MLIP: variants seen among roughly 807,000 people sequenced by gnomAD.
MLIP encodes the protein muscular LMNA interacting protein.
A neutral mutation model predicts 84.8 loss-of-function variants in MLIP; 79 were observed. The observed-to-expected ratio is 0.93, with a 90% CI of 0.78 to 1.12. The LOEUF is 1.12. Ranked by LOEUF, MLIP falls within the 50% of genes most tolerant of loss-of-function variation. The pLI, the probability that MLIP is intolerant of heterozygous loss-of-function variation, is 0.00. For synonymous variants in MLIP, 504 were observed against 463.0 expected (o/e 1.09, Z -1.14); for missense variants, 1,257 against 1,160.6 (o/e 1.08, Z -1.21).
intron 3 of MLIP, among the ~76,000 whole-genome samples, 179 bp downstream of exon 3, chr6:54,125,044 A>T (rs1377325056): frequency 2.0e-5 from 3 of 152,246 alleles, no homozygotes; most frequent in Non-Finnish European, 4.4e-5. Flanking sequence ...GATAATAAAT[A>T]TATAAGATAA....
Position 54,232,167 on chromosome 6 carries a change from C to T in MLIP, c.2922+1250C>T, listed in dbSNP as rs560444752. Among the ~76,000 whole-genome samples the T allele has an allele frequency of 1.1e-4, 16 of 151,914 alleles. No homozygotes were observed. The East Asian group carries it at 2.3e-3, about 22-fold the overall frequency. The stretch of plus-strand genomic sequence containing the variant: ...GAAATTCTTTCTGATTTAATATTTG[C>T]CAACAGCCATGAAATACATTTAGTT... On this transcript the variant is annotated intron_variant, in intron 12 of 13. Transcript: ENST00000502396.
chr6:54,258,339 C>T (rs1582652531), intron 13 of MLIP, among the ~76,000 whole-genome samples: 1 of 152,080 alleles, frequency 6.6e-6, no homozygotes, highest in Non-Finnish European at 1.5e-5. Flanking sequence ...ACTGGCATCC[C>T]TATTTCTGCA....
chr6:54,130,290 G>T (rs1321794162), intron 3 of MLIP, among the ~76,000 whole-genome samples: 1 of 152,128 alleles, frequency 6.6e-6, no homozygotes, highest in Non-Finnish European at 1.5e-5. Flanking sequence ...GATGATGTAG[G>T]CTTTTAAGAA....
intron 1 of MLIP, among the ~76,000 whole-genome samples, chr6:54,074,095 AAC>A (rs1347367359): frequency 6.6e-6 from 1 of 152,198 alleles, no homozygotes; most frequent in Non-Finnish European, 1.5e-5. Flanking sequence ...AATGTTTTTC[AAC>A]AGTTTTAAAC....
chr6:54,150,479 G>A (rs1254284159), intron 5 of MLIP, among the ~76,000 whole-genome samples: 2 of 152,154 alleles, frequency 1.3e-5, no homozygotes, highest in Non-Finnish European at 2.9e-5. Flanking sequence ...CAGACTCTCT[G>A]CTTATTTTGG....
At chr6:54,077,308 ACC>A (rs767964556) in intron 1 of MLIP, among the ~76,000 whole-genome samples, 1 of 151,850 alleles carries the variant, frequency 6.6e-6, no homozygotes. Flanking sequence ...CAACTACCCA[ACC>A]CTGCTTTTGT....
rs555495398 is a variant in MLIP, at chr6:54,185,512, C to T, written c.2545-4358C>T. Among the ~76,000 whole-genome samples, 3 of 152,004 alleles carry T rather than the reference C, an allele frequency of 2.0e-5. No homozygotes were observed. In the East Asian group the frequency reaches 5.8e-4, roughly 29 times the overall value. On this transcript the variant is annotated intron_variant, in intron 9 of 13. Transcript: ENST00000502396. ...GATAAAAAGATATTTAGATTTTTTC[C>T]TAATTTAATTAATATGTTTGAGCCT...
chr6:54,137,412 C>T lies in MLIP; in HGVS notation c.1343C>T (p.Thr448Met), dbSNP rs945450687. ...TCTCTCAACTCCCCGGCCTCTTCCA[C>T]GCTCACACTTGACCAAAAAGAAAAG... is the stretch of plus-strand genomic sequence containing the variant. ...TFSLNSPASS[T>M]LTLDQKEKQT... Residue 448 changes from threonine to methionine, a missense_variant, in exon 4 of 14, where the codon ACG becomes ATG. By Grantham distance (81) the Thr-to-Met change is moderately conservative. Transcript: ENST00000502396. 7.6e-5 allele frequency: 117 copies of T among 1,536,128 alleles called. No homozygotes were observed. The highest frequency in any genetic ancestry group is 9.5e-5 in the Non-Finnish European group (109 of 1,146,880).
In MLIP at chr6:54,137,938, A is replaced by AT; in HGVS notation, c.1870dup (p.Ser624PhefsTer2). ...CAGCTCTTTCAAGCCTGATAAACAG[A>AT]TCTAAAAGAGCATCATCCCAACTAT... On this transcript the variant is annotated frameshift_variant, in exon 4 of 14. Coordinates refer to ENST00000502396, the MANE Select transcript of MLIP (RefSeq NM_001281747.2). LOFTEE classifies it high-confidence loss of function. 1 of 1,536,074 alleles carries AT rather than the reference A, an allele frequency of 6.5e-7. No homozygotes were observed.
Position 54,137,886 on chromosome 6 carries a change from C to T in MLIP, c.1817C>T (p.Ser606Phe), listed in dbSNP as rs1194704034. 6.5e-7 allele frequency: 1 copy of T among 1,536,128 alleles called. No homozygotes were observed. The highest frequency in any genetic ancestry group is 1.2e-5 in the South Asian group (1 of 84,062). Residue 606 changes from serine (S) to phenylalanine (F), a missense_variant, in exon 4 of 14, where the codon TCT becomes TTT. By Grantham distance (155) the Ser-to-Phe change is radical (BLOSUM62 -2). Coordinates refer to ENST00000502396, the MANE Select transcript of MLIP (RefSeq NM_001281747.2). The stretch of plus-strand genomic sequence containing the variant: ...ATTAATCAAAGAGCTACGTTCTCTT[C>T]TTCAGAGAAATGTTTCCATCCTTCC... ...PPINQRATFSSSEKCFHPSPA... is the reference protein window; with the variant it reads ...PPINQRATFSFSEKCFHPSPA...
chr6:54,136,843 G>A lies in MLIP; in HGVS notation c.774G>A (p.Glu258=). Residue 258 remains glutamate (E), a synonymous_variant, in exon 4 of 14, where the codon GAG becomes GAA. Coordinates refer to ENST00000502396, the MANE Select transcript of MLIP (RefSeq NM_001281747.2). ...VNLEGASVLE[E]FHTRRLDVGG... ...TCGAGGGAGCCTCTGTCCTAGAGGA[G>A]TTCCACACTAGGAGGCTGGATGTCG... 6.5e-7 allele frequency: 1 copy of A among 1,534,982 alleles called. No individual in the cohort carries two copies. The highest frequency in any genetic ancestry group is 8.7e-7 in the Non-Finnish European group (1 of 1,146,006).
At chr6:54,224,476 C>T (rs72964043) in intron 11 of MLIP, among the ~76,000 whole-genome samples, 13,631 of 151,846 alleles carry the variant, frequency 0.09, 854 homozygotes, top group Non-Finnish European at 0.14. Context: ...AATAGATTCC[C>T]AGGGAAATTC....
chr6:54,179,207 T>C (rs1372216950), intron 9 of MLIP, among the ~76,000 whole-genome samples: 2 of 152,244 alleles, frequency 1.3e-5, no homozygotes, highest in African/African-American at 4.8e-5. Flanking sequence ...CTGATCTAAG[T>C]ATAGCTACTT....
chr6:54,137,927 C>T lies in MLIP; in HGVS notation c.1858C>T (p.Leu620=). The part of the protein sequence containing the change: ...CFHPSPALSS[L]INRSKRASSQ... ...CCATCCTTCCCCAGCTCTTTCAAGC[C>T]TGATAAACAGATCTAAAAGAGCATC... Residue 620 remains leucine, a synonymous_variant, in exon 4 of 14, where the codon CTG becomes TTG. Coordinates refer to ENST00000502396, the MANE Select transcript of MLIP (RefSeq NM_001281747.2). 1 of 1,536,066 alleles carries T rather than the reference C, an allele frequency of 6.5e-7. No individual in the cohort carries two copies. The highest frequency in any genetic ancestry group is 8.7e-7 in the Non-Finnish European group (1 of 1,146,892).
intron 11 of MLIP, among the ~76,000 whole-genome samples, chr6:54,208,653 C>G (rs929075669): frequency 5.3e-5 from 8 of 152,192 alleles, no homozygotes; most frequent in Non-Finnish European, 1.0e-4. Context: ...ACAAGAGTCT[C>G]TATCTCAAAC....
intron 1 of MLIP, among the ~76,000 whole-genome samples, chr6:54,105,814 T>C (rs979506147): frequency 1.3e-5 from 2 of 152,088 alleles, no homozygotes; most frequent in South Asian, 2.1e-4. Context: ...GATTAGCATG[T>C]TCTAGAAATA....
chr6:54,055,133 G>A (rs1345536362), intron 1 of MLIP, among the ~76,000 whole-genome samples: 1 of 152,104 alleles, frequency 6.6e-6, no homozygotes, highest in East Asian at 1.9e-4. Context: ...TGATCCGCCT[G>A]TCTCGGCCTC....
At chr6:54,097,648 GT>G (rs1391711542) in intron 1 of MLIP, among the ~76,000 whole-genome samples, 1 of 152,142 alleles carries the variant, frequency 6.6e-6, no homozygotes, top group Non-Finnish European at 1.5e-5. Context: ...TGTGTGAAAT[GT>G]CAAAAGATTT....
intron 1 of MLIP, among the ~76,000 whole-genome samples, chr6:54,055,976 G>C (rs1161351568): frequency 6.6e-6 from 1 of 151,966 alleles, no homozygotes; most frequent in Admixed American, 6.6e-5. Context: ...CCAGGTAAAT[G>C]GTTGTTGCAC....
Sources: allele counts gnomAD v4.1 joint callset (sites outside exome capture counted in the v4.1 genomes callset), GRCh38; gene constraint gnomAD v4.1.1; transcripts MANE v1.5; gene names NCBI Gene and HGNC (gene_info 2026-07-23, HGNC 2026-07-21).